PASK: variants seen among roughly 807,000 people sequenced by gnomAD.
The protein encoded by PASK is PAS domain-containing serine/threonine-protein kinase.
In PASK, 110 loss-of-function variants were observed where a neutral mutation model predicts 121.0. The ratio of observed to expected loss-of-function variants is 0.91; its 90% CI spans 0.78 to 1.06. PASK has a LOEUF of 1.06. Ranked by LOEUF, PASK falls within the 50% of genes least tolerant of loss-of-function variation. The probability of loss-of-function intolerance (pLI) is 0.00; values close to 1 mark genes in which losing one functional copy is unlikely to be tolerated. For missense variants in PASK, 1,643 were observed against 1,702.3 expected, an observed-to-expected ratio of 0.97 and a Z score of 0.61; for synonymous variants, 686 against 717.8, an observed-to-expected ratio of 0.96 and a Z score of 0.71.
intron 8 of PASK, chr2:241,134,400 T>G (rs2066309141): frequency 6.6e-6 from 1 of 152,240 alleles, no homozygotes; most frequent in South Asian, 2.1e-4. Context: ...GCCGGGATTG[T>G]AAGGAGAACC....
At chr2:241,109,698 G>C (rs571770316) in intron 15 of PASK, 172 of 152,446 alleles carry the variant, frequency 1.1e-3, no homozygotes, top group African/African-American at 3.8e-3. Flanking sequence ...GAGAGCTGTA[G>C]GGGCTAGAGC....
intron 12 of PASK, among the ~76,000 whole-genome samples, chr2:241,120,367 C>T (rs560630630): frequency 6.6e-6 from 1 of 152,222 alleles, no homozygotes; most frequent in South Asian, 2.1e-4. Context: ...GTGGTGTGCA[C>T]CTGTGATCCC....
intron 9 of PASK, among the ~76,000 whole-genome samples, chr2:241,128,443 C>T (rs893966300): frequency 6.6e-6 from 1 of 152,196 alleles, no homozygotes; most frequent in Non-Finnish European, 1.5e-5. Flanking sequence ...AGCCAAGGGA[C>T]CCAGGCCTCC....
At chr2:241,148,274 G>A (rs991959384) in intron 1 of PASK, among the ~76,000 whole-genome samples, 1 of 152,054 alleles carries the variant, frequency 6.6e-6, no homozygotes, top group Admixed American at 6.6e-5. Flanking sequence ...ACTTTGCAGG[G>A]AGCATCTCGG....
intron 7 of PASK, among the ~76,000 whole-genome samples, chr2:241,136,268 G>A (rs893392222): frequency 3.3e-5 from 5 of 152,242 alleles, no homozygotes; most frequent in African/African-American, 4.8e-5. Flanking sequence ...CATACTCTGC[G>A]GCAAGTTACA....
rs2064978091 is a variant in PASK, at chr2:241,108,471, G to T, written c.3534-171C>A. 1 of 701,562 alleles carries T rather than the reference G, an allele frequency of 1.4e-6. No individual in the cohort carries two copies. The highest frequency in any genetic ancestry group is 1.8e-5 in the African/African-American group (1 of 57,114). 43.5% of individuals were successfully genotyped at this position (701,562 alleles called of 1,614,324 possible). On this transcript the variant is annotated intron_variant, in intron 15 of 17. Transcript: ENST00000234040. This position sits in a 1 kb window ranked among gnomAD's most constrained non-coding sequence, Gnocchi z 5.2. ...ACGCCCTCCATTTCCACGCACTTCT[G>T]CCCCAGGCCAGCCAGCAGGCCATGT...
chr2:241,118,524 C>T (rs1222666022), intron 12 of PASK, among the ~76,000 whole-genome samples: 1 of 152,178 alleles, frequency 6.6e-6, no homozygotes, highest in Admixed American at 6.5e-5. Context: ...TCACACCACA[C>T]ACAAAAATTA....
At chr2:241,123,905 A>G in intron 11 of PASK, 44 bp downstream of exon 11, 5 of 1,514,312 alleles carry the variant, frequency 3.3e-6, no homozygotes, top group Non-Finnish European at 3.7e-6. Context: ...TTTGCCACAC[A>G]GTACAAGGCA....
At chr2:241,117,553 G>A (rs528993441) in intron 12 of PASK, among the ~76,000 whole-genome samples, 1 of 152,242 alleles carries the variant, frequency 6.6e-6, no homozygotes, top group East Asian at 1.9e-4. Flanking sequence ...ACCAAAGAAC[G>A]GAAGCTTTAA....
chr2:241,137,308 G>A, intron 6 of PASK, 44 bp from the exon 7 acceptor site: 1 of 1,573,864 alleles, frequency 6.4e-7, no homozygotes, highest in South Asian at 1.1e-5. Flanking sequence ...TGTTTCACGT[G>A]GACAGAGCAC....
chr2:241,129,804 G>A (rs2066041262), intron 9 of PASK, among the ~76,000 whole-genome samples: 2 of 152,192 alleles, frequency 1.3e-5, no homozygotes, highest in Non-Finnish European at 1.5e-5. Context: ...TTGAGCTGCT[G>A]GGACCTCAAC....
rs182031918 is a variant in PASK, at chr2:241,113,704, C to T, written c.3334-1265G>A. On this transcript the variant is annotated intron_variant, in intron 14 of 17. Transcript: ENST00000234040. ...AGATTAACCACAAAGGGCTAAAGAG[C>T]GACTTGAAGAAAGCTGCTCTTCCTG... 2.0e-5 allele frequency: 20 copies of T among 984,908 alleles called. No individual in the cohort carries two copies. The East Asian group carries it at 1.4e-3, about 67-fold the overall frequency. The allele number at this position is 984,908 out of a possible 1,614,324, so 61.0% of individuals were successfully genotyped here. A position where few individuals can be genotyped will look rare whatever the true frequency, so the allele number is the denominator to read the frequency against.
At chr2:241,142,009 CACTG>C (rs2066723159) in intron 2 of PASK, among the ~76,000 whole-genome samples, 2 of 152,220 alleles carry the variant, frequency 1.3e-5, no homozygotes, top group Non-Finnish European at 2.9e-5. Flanking sequence ...TGTCAACACT[CACTG>C]AGAACATTCC....
At chr2:241,149,955 G>C, upstream of PASK, 1 of 1,427,230 alleles carries the variant, frequency 7.0e-7, no homozygotes, top group Non-Finnish European at 9.1e-7. Context: ...GCGGCATTTC[G>C]CATGGGTAAA....
At chr2:241,149,513 A>C, upstream of PASK, 2 of 758,660 alleles carry the variant, frequency 2.6e-6, no homozygotes. Context: ...ACTAGCACCG[A>C]TTGACAAGCT....
rs773934506 is a variant in PASK at position 241,127,051 on chromosome 2, G to A, written c.1864C>T (p.Arg622Ter). 6.2e-6 allele frequency: 10 copies of A among 1,613,944 alleles called. No homozygotes were observed. The highest frequency in any genetic ancestry group is 1.6e-4 in the Middle Eastern group (1 of 6,084). ...GGGCTGGGGGCCAAGTCCTGGCTTC[G>A]CCACCACAAGCCCCATTCACTCCCA... ...CYGSEWGLWW[R>*]SQDLAPSPSG... Residue 622 changes from arginine to a stop codon, truncating the protein, a stop_gained, in exon 10 of 18, where the codon CGA becomes TGA. Transcript: ENST00000234040. LOFTEE classifies it high-confidence loss of function.
Position 241,126,456 on chromosome 2 carries a change from T to G in PASK, c.2459A>C (p.His820Pro). 6.2e-7 allele frequency: 1 copy of G among 1,614,248 alleles called. No homozygotes were observed. The highest frequency in any genetic ancestry group is 1.3e-5 in the African/African-American group (1 of 75,076). The part of the protein sequence containing the change: ...GRRFRESCVG[H>P]DPTEPLEVCL... ...AACCTCAAGCGGTTCTGTTGGATCA[T>G]GTCCCACACAGCTCTCCCGGAACCG... Residue 820 changes from histidine (H) to proline (P), a missense_variant, in exon 10 of 18, where the codon CAT becomes CCT. By Grantham distance (77) the His-to-Pro change is moderately conservative (BLOSUM62 -2). Transcript: ENST00000234040.
rs147566928 is a variant in PASK at position 241,127,006 on chromosome 2, A to T, written c.1909T>A (p.Ser637Thr). 4.3e-6 allele frequency: 7 copies of T among 1,614,086 alleles called. No homozygotes were observed. The African/African-American group carries it at 5.3e-5, about 12-fold the overall frequency. ...TCATCTAGAGTAGGTGTCCCAAACG[A>T]GAGGCCTGCCATCCCAGAGGGGCTG... ...APSPSGMAGL[S>T]FGTPTLDEPW... The change falls in exon 10 of 18, where the codon TCG (serine) becomes ACG (threonine). Residue 637 changes from serine to threonine, a missense_variant. Physicochemically the swap from Ser to Thr is moderately conservative, Grantham distance 58. Transcript: ENST00000234040.
chr2:241,121,045 A>T (rs776092485), intron 12 of PASK, among the ~76,000 whole-genome samples: 2 of 152,270 alleles, frequency 1.3e-5, no homozygotes, highest in Non-Finnish European at 2.9e-5. Context: ...CCTTGAAAAC[A>T]TTATGTTAGA....
Sources: gnomAD v4.1 joint callset for allele counts (sites outside exome capture counted in the v4.1 genomes callset) on GRCh38, gnomAD v4.1.1 for gene constraint, Gnocchi (gnomAD v3.1) non-coding constraint, MANE v1.5 for transcripts, NCBI Gene and HGNC (gene_info 2026-07-23, HGNC 2026-07-21) for gene names.